ZC3H12B: variants seen among roughly 807,000 people sequenced by gnomAD.
ZC3H12B encodes the protein probable ribonuclease ZC3H12B.
In ZC3H12B, 7 loss-of-function variants were observed where a neutral mutation model predicts 43.9. That is an observed-to-expected ratio of 0.16 (90% CI 0.09 to 0.30). The LOEUF (loss-of-function observed/expected upper bound fraction) is 0.30, where lower values mean the gene tolerates loss of function less well. Among genes scored for constraint, ZC3H12B ranks in the 10% least tolerant of loss-of-function variants. The probability of loss-of-function intolerance (pLI) is 1.00; values close to 1 mark genes in which losing one functional copy is unlikely to be tolerated. For missense variants in ZC3H12B, 475 were observed against 670.2 expected (o/e 0.71, Z 3.22); for synonymous variants, 222 against 241.7 (o/e 0.92, Z 0.76).
chrX:65,456,703 C>T (rs1421911739), intron 3 of ZC3H12B, among the ~76,000 whole-genome samples: 1 of 108,895 alleles, frequency 9.2e-6, no homozygotes, highest in Non-Finnish European at 1.9e-5. Flanking sequence ...CTCGGCCTCC[C>T]GAGGCACCGG....
chrX:65,233,425 A>G, the ZC3H12B span, among the ~76,000 whole-genome samples: 4 of 111,443 alleles, frequency 3.6e-5, no homozygotes, highest in African/African-American at 1.3e-4. Context: ...GAATAAAACT[A>G]CAAATCAATA....
At chrX:65,042,061 G>C in the ZC3H12B span, among the ~76,000 whole-genome samples, 318 of 112,211 alleles carry the variant, frequency 2.8e-3, no homozygotes, top group Admixed American at 5.0e-3. Context: ...GGGAAAAAAA[G>C]CTAGTTCTTT....
At chrX:65,125,189 TATC>T in the ZC3H12B span, among the ~76,000 whole-genome samples, 2 of 111,666 alleles carry the variant, frequency 1.8e-5, no homozygotes, top group African/African-American at 6.5e-5. Flanking sequence ...GTGACACTAT[TATC>T]ATTCAGTTCA....
the ZC3H12B span, among the ~76,000 whole-genome samples, chrX:65,042,954 C>T: frequency 5.4e-5 from 6 of 111,342 alleles, no homozygotes; most frequent in African/African-American, 2.0e-4. Flanking sequence ...TCATTATTCT[C>T]ACTTAATCAG....
At position 65,419,952 on chromosome X, in the gene ZC3H12B, G is replaced by A. The variant is rs774538538; in HGVS notation, n.407+21248G>A. On this transcript the variant is annotated intron_variant and non_coding_transcript_variant, in intron 3 of 5. Coordinates refer to the ZC3H12B transcript ENST00000617377. ...ATACAAATTTCAGACTTATACCCCT[G>A]CATACTATGGTACCAGGCCAGCCCC... 1.4e-4 allele frequency among the ~76,000 whole-genome samples: 15 copies of A among 110,641 alleles called. 1 individual carries two copies. Among genetic ancestry groups the A allele is most frequent in the African/African-American group, 2.0e-4 (6 of 30,364 alleles).
the ZC3H12B span, among the ~76,000 whole-genome samples, chrX:65,165,794 C>A: frequency 8.9e-6 from 1 of 112,168 alleles, no homozygotes; most frequent in African/African-American, 3.2e-5. Context: ...GATTTATAAT[C>A]TTTTGGGTGT....
intron 1 of ZC3H12B, among the ~76,000 whole-genome samples, chrX:65,494,608 C>G (rs964293102): frequency 1.8e-5 from 2 of 109,496 alleles, no homozygotes; most frequent in African/African-American, 3.3e-5. Flanking sequence ...TGGTGAAACC[C>G]CGTCTCTACT....
At chrX:65,166,137 C>T in the ZC3H12B span, among the ~76,000 whole-genome samples, 1 of 111,019 alleles carries the variant, frequency 9.0e-6, no homozygotes, top group African/African-American at 3.3e-5. Context: ...TGTTGGTGTG[C>T]TACACCCATT....
the ZC3H12B span, among the ~76,000 whole-genome samples, chrX:65,059,219 A>ACCCCCCCC: frequency 5.5e-4 from 21 of 38,420 alleles, no homozygotes; most frequent in South Asian, 2.6e-3. Flanking sequence ...TCTTGGAACC[A>ACCCCCCCC]CCCCCCCCCC....
chrX:65,177,059 A>C, the ZC3H12B span, among the ~76,000 whole-genome samples: 1 of 112,435 alleles, frequency 8.9e-6, no homozygotes, highest in Non-Finnish European at 1.9e-5. Context: ...ATCCAGCAGC[A>C]CATTGAAAAG....
At chrX:65,379,357 C>A (rs1239380113) in intron 2 of ZC3H12B, among the ~76,000 whole-genome samples, 5 of 110,996 alleles carry the variant, frequency 4.5e-5, no homozygotes, top group African/African-American at 1.6e-4. Flanking sequence ...ACGGACACCT[C>A]ACACGGCCGG....
chrX:65,112,794 C>A, the ZC3H12B span, among the ~76,000 whole-genome samples: 1 of 111,668 alleles, frequency 9.0e-6, no homozygotes. Flanking sequence ...TGGAGATGTA[C>A]AAACAGATTA....
the ZC3H12B span, among the ~76,000 whole-genome samples, chrX:65,355,249 C>T: frequency 1.8e-5 from 2 of 111,598 alleles, no homozygotes; most frequent in African/African-American, 3.3e-5. Context: ...GCCCATCAGA[C>T]TAATAGTGGA....
the ZC3H12B span, among the ~76,000 whole-genome samples, chrX:65,064,578 G>T: frequency 9.0e-6 from 1 of 111,502 alleles, no homozygotes; most frequent in African/African-American, 3.3e-5. Flanking sequence ...CAATCATGTG[G>T]TCAGTTTTTG....
At chrX:65,488,698 C>T (rs2068161410), upstream of ZC3H12B, 5 of 1,010,249 alleles carry the variant, frequency 4.9e-6, no homozygotes, top group Non-Finnish European at 5.2e-6. Context: ...CTTGCACCAT[C>T]GCTACCACGA....
the ZC3H12B span, among the ~76,000 whole-genome samples, chrX:65,260,319 A>C: frequency 9.0e-6 from 1 of 111,013 alleles, no homozygotes; most frequent in East Asian, 2.8e-4. Flanking sequence ...AAAATAAAAT[A>C]CCTAGGAATA....
the ZC3H12B span, among the ~76,000 whole-genome samples, chrX:65,350,394 G>A: frequency 9.0e-6 from 1 of 111,645 alleles, no homozygotes; most frequent in South Asian, 3.7e-4. Flanking sequence ...AAAACTGGAA[G>A]CATTCTCTTA....
At chrX:65,168,822 T>C in the ZC3H12B span, among the ~76,000 whole-genome samples, 1 of 111,829 alleles carries the variant, frequency 8.9e-6, no homozygotes, top group Non-Finnish European at 1.9e-5. Flanking sequence ...TCTAGTTTGT[T>C]TTGTAGAGGT....
At chrX:65,335,757 C>T in the ZC3H12B span, among the ~76,000 whole-genome samples, 1 of 111,531 alleles carries the variant, frequency 9.0e-6, no homozygotes, top group Non-Finnish European at 1.9e-5. Flanking sequence ...CAATTTTGAG[C>T]TTGCAAAGGC....
Sources: gnomAD v4.1 joint callset for allele counts (sites outside exome capture counted in the v4.1 genomes callset) on GRCh38, gnomAD v4.1.1 for gene constraint, MANE v1.5 for transcripts, NCBI Gene and HGNC (gene_info 2026-07-23, HGNC 2026-07-21) for gene names.